The following ATP2C2 variants were observed in gnomAD, a reference collection of about 807,000 sequenced individuals.
The protein encoded by ATP2C2 is calcium-transporting ATPase type 2C member 2.
In ATP2C2, 171 loss-of-function variants were observed where a neutral mutation model predicts 110.8. The observed-to-expected ratio is 1.54, with a 90% CI of 1.36 to 1.75. The LOEUF (loss-of-function observed/expected upper bound fraction) is 1.75. ATP2C2 is among the 40% of genes most tolerant of loss of function. The pLI is 0.00. For synonymous variants in ATP2C2, 804 were observed against 508.4 expected (o/e 1.58, Z -7.82); for missense variants, 1,963 against 1,235.0 (o/e 1.59, Z -8.84).
intron 17 of ATP2C2, among the ~76,000 whole-genome samples, chr16:84,450,380 C>G (rs1218432163): frequency 6.6e-6 from 1 of 152,148 alleles, no homozygotes; most frequent in Non-Finnish European, 1.5e-5. Flanking sequence ...GCTAGATCCC[C>G]TGGAGTGGCT....
At chr16:84,448,866 C>T (rs981105024) in intron 17 of ATP2C2, among the ~76,000 whole-genome samples, 177 bp downstream of exon 17, 2 of 152,180 alleles carry the variant, frequency 1.3e-5, no homozygotes, top group African/African-American at 2.4e-5. Flanking sequence ...ACAGAGGTCC[C>T]CACCTCATCC....
chr16:84,420,020 G>T (rs1317338265), intron 7 of ATP2C2, among the ~76,000 whole-genome samples: 2 of 152,134 alleles, frequency 1.3e-5, no homozygotes, highest in African/African-American at 4.8e-5. Flanking sequence ...TGACCAAAAA[G>T]CCTGATAAGT....
At chr16:84,453,436 G>C in intron 20 of ATP2C2, 65 bp downstream of exon 20, 2 of 1,595,612 alleles carry the variant, frequency 1.3e-6, no homozygotes, top group Non-Finnish European at 1.7e-6. Context: ...TGTGGCTCGA[G>C]GAGCTCATGC....
chr16:84,383,637 C>G (rs950292850), intron 1 of ATP2C2, among the ~76,000 whole-genome samples: 1 of 152,110 alleles, frequency 6.6e-6, no homozygotes, highest in Non-Finnish European at 1.5e-5. Flanking sequence ...CTCTCAGCAT[C>G]GTCAGTACAT....
chr16:84,387,942 T>C (rs1455655763), intron 1 of ATP2C2, among the ~76,000 whole-genome samples: 2 of 143,002 alleles, frequency 1.4e-5, no homozygotes, highest in Non-Finnish European at 3.1e-5. Context: ...TTTTTTTTAA[T>C]AGAAGCACCT....
intron 14 of ATP2C2, among the ~76,000 whole-genome samples, chr16:84,442,297 C>T (rs765874103): frequency 8.5e-5 from 13 of 152,194 alleles, no homozygotes; most frequent in Non-Finnish European, 1.8e-4. Context: ...TGCCTCCCTG[C>T]TGGGTTCCCT....
rs763802489 is a variant in ATP2C2 at position 84,453,235 on chromosome 16, G to C, written c.1929G>C (p.Lys643Asn). ...GCGAGCTGGCCGACCGCGTGGGGAA[G>C]GTGGGTCCCCGGAGGCTTGGCTGGC... ...EKGELADRVG[K>N]VSVFFRTSPK... is the part of the protein sequence containing the mutation. Residue 643 changes from lysine to asparagine, a missense_variant and splice_region_variant, in exon 19 of 27, where the codon AAG becomes AAC. Coordinates refer to ENST00000262429, the MANE Select transcript of ATP2C2 (RefSeq NM_014861.4). 4 of 1,614,056 alleles carry C rather than the reference G, an allele frequency of 2.5e-6. No homozygotes were observed. Among genetic ancestry groups the C allele is most frequent in the South Asian group, 1.1e-5 (1 of 91,078 alleles).
chr16:84,452,794 C>G (rs1174086891), intron 18 of ATP2C2, among the ~76,000 whole-genome samples: 4 of 152,146 alleles, frequency 2.6e-5, no homozygotes, highest in Non-Finnish European at 4.4e-5. Context: ...CCACTGCGCC[C>G]AGCCCCTCTA....
chr16:84,461,980 C>G lies in ATP2C2; in HGVS notation c.2581-8C>G, dbSNP rs750698592. ...CACACAATCCCCCGTGTGACCTTCT[C>G]CCTGCAGACCAAGCTGATATTTGAG... On this transcript the variant is annotated splice_polypyrimidine_tract_variant and splice_region_variant and intron_variant, in intron 25 of 26. Transcript: ENST00000262429. 1 of 1,612,628 alleles carries G rather than the reference C, an allele frequency of 6.2e-7. No individual in the cohort carries two copies. Among genetic ancestry groups the G allele is most frequent in the African/African-American group, 1.3e-5 (1 of 75,030 alleles).
At chr16:84,455,796 C>T (rs1036738218) in intron 21 of ATP2C2, among the ~76,000 whole-genome samples, 10 of 147,780 alleles carry the variant, frequency 6.8e-5, no homozygotes, top group Non-Finnish European at 1.0e-4. Flanking sequence ...TTTTGAAATA[C>T]GTCCCATCAA....
rs200073876 is a variant in ATP2C2, at chr16:84,453,368, C to G, written c.1977C>G (p.Ile659Met). Residue 659 changes from isoleucine (I) to methionine (M), a missense_variant, in exon 20 of 27, where the codon ATC (isoleucine) becomes ATG (methionine). Transcript: ENST00000262429. ...GCCCAAAGCACAAGCTCAAAATCAT[C>G]AAGGTTCGCTGGGCAAGGCAGGCAC... Reference protein sequence around the residue: ...RTSPKHKLKIIKALQESGAIV... With the variant: ...RTSPKHKLKIMKALQESGAIV... 3.1e-6 allele frequency: 5 copies of G among 1,614,206 alleles called. No homozygotes were observed. Among genetic ancestry groups the G allele is most frequent in the African/African-American group, 1.3e-5 (1 of 75,052 alleles).
intron 11 of ATP2C2, among the ~76,000 whole-genome samples, chr16:84,437,423 C>T (rs1407562753): frequency 2.6e-5 from 4 of 152,022 alleles, no homozygotes; most frequent in East Asian, 3.9e-4. Flanking sequence ...GTTGCCCAGG[C>T]TAGTCTTGAA....
rs35715518 is a variant in ATP2C2, at chr16:84,420,472, CT to C, written c.625-1902del. On this transcript the variant is annotated intron_variant, in intron 7 of 26. Transcript: ENST00000262429. ...TCATCTTTGATCTCTCCCTTTCTTT[CT>C]TTTTTTTTTTTTTTTAAAGGACTTC... Among the ~76,000 whole-genome samples, 450 of 95,664 alleles carry C rather than the reference CT, an allele frequency of 4.7e-3. 2 individuals are homozygous for C. Among genetic ancestry groups the C allele is most frequent in the East Asian group, 6.4e-3 (24 of 3,766 alleles). The allele number at this position is 95,664 out of a possible 152,430, so 62.8% of individuals were successfully genotyped here. A position where few individuals can be genotyped will look rare whatever the true frequency, so the allele number is the denominator to read the frequency against.
intron 3 of ATP2C2, among the ~76,000 whole-genome samples, chr16:84,405,953 T>C (rs1001362500): frequency 6.6e-6 from 1 of 152,156 alleles, no homozygotes; most frequent in Non-Finnish European, 1.5e-5. Context: ...GAATTTCAGA[T>C]AGATAAACAA....
chr16:84,377,140 A>G (rs1910296578), intron 1 of ATP2C2, among the ~76,000 whole-genome samples: 1 of 152,068 alleles, frequency 6.6e-6, no homozygotes, highest in Non-Finnish European at 1.5e-5. Context: ...CTCAGCGAGT[A>G]GTGGAAGCCG....
intron 1 of ATP2C2, among the ~76,000 whole-genome samples, chr16:84,380,725 C>A (rs928517973): frequency 2.4e-4 from 36 of 152,202 alleles, no homozygotes; most frequent in African/African-American, 8.2e-4. Flanking sequence ...CTTTTCCCTG[C>A]CTCTGTTTGT....
chr16:84,442,545 G>C lies in ATP2C2; in HGVS notation c.1347G>C (p.Lys449Asn). 1.2e-6 allele frequency: 2 copies of C among 1,614,150 alleles called. No homozygotes were observed. Among genetic ancestry groups the C allele is most frequent in the African/African-American group, 1.3e-5 (1 of 75,050 alleles). Residue 449 changes from lysine (K) to asparagine (N), a missense_variant, in exon 15 of 27, where the codon AAG becomes AAC. Transcript: ENST00000262429. Reference sequence around the variant, plus strand: ...TTGCCAACAATGCGGTCATCAGAAAGAACGCCGTGATGGGGCAGCCCACCG... The same window carrying C: ...TTGCCAACAATGCGGTCATCAGAAACAACGCCGTGATGGGGCAGCCCACCG... ...GCVANNAVIR[K>N]NAVMGQPTEG...
At chr16:84,423,346 A>C in intron 10 of ATP2C2, 83 bp downstream of exon 10, 1 of 1,298,576 alleles carries the variant, frequency 7.7e-7, no homozygotes, top group Admixed American at 1.8e-5. Flanking sequence ...CCGTTTCTCA[A>C]ATATCTTGCT....
At chr16:84,431,372 G>A (rs1908261525) in intron 11 of ATP2C2, among the ~76,000 whole-genome samples, 1 of 152,060 alleles carries the variant, frequency 6.6e-6, no homozygotes, top group Non-Finnish European at 1.5e-5. Flanking sequence ...GTGTGTACCT[G>A]TAATCCCAGC....
Sources: allele counts gnomAD v4.1 joint callset (sites outside exome capture counted in the v4.1 genomes callset), GRCh38; gene constraint gnomAD v4.1.1; transcripts MANE v1.5; gene names NCBI Gene and HGNC (gene_info 2026-07-23, HGNC 2026-07-21).